KIAA1217: variants seen among roughly 807,000 people sequenced by gnomAD.
KIAA1217 encodes the protein KIAA1217, also known as sickle tail protein homolog.
In KIAA1217, 88 loss-of-function variants were observed where a neutral mutation model predicts 163.9. The observed-to-expected ratio is 0.54, with a 90% CI of 0.45 to 0.64. The LOEUF (loss-of-function observed/expected upper bound fraction) is 0.64. Ranked by LOEUF, KIAA1217 falls within the 30% of genes least tolerant of loss-of-function variation. The probability of loss-of-function intolerance (pLI) is 0.00; values close to 1 mark genes in which losing one functional copy is unlikely to be tolerated. For missense variants in KIAA1217, 2,372 were observed against 2,475.0 expected (o/e 0.96, Z 0.88); for synonymous variants, 903 against 923.1 (o/e 0.98, Z 0.39).
upstream of KIAA1217, among the ~76,000 whole-genome samples, chr10:24,207,719 T>C (rs1178230615): frequency 6.6e-6 from 1 of 152,240 alleles, no homozygotes; most frequent in Non-Finnish European, 1.5e-5. Flanking sequence ...GGGGCTCTCT[T>C]CTTCCCCTCC....
At chr10:23,953,766 GATA>G (rs1844441602) in intron 1 of KIAA1217, among the ~76,000 whole-genome samples, 1 of 152,176 alleles carries the variant, frequency 6.6e-6, no homozygotes. Context: ...ATTAATGTTA[GATA>G]ATATTATTGT....
At chr10:24,477,754 T>C (rs778797887) in intron 6 of KIAA1217, among the ~76,000 whole-genome samples, 1 of 152,216 alleles carries the variant, frequency 6.6e-6, no homozygotes, top group Non-Finnish European at 1.5e-5. Flanking sequence ...TTGGTAGACT[T>C]CATTTTTTTA....
chr10:24,342,741 C>G (rs978270592), intron 2 of KIAA1217, among the ~76,000 whole-genome samples: 15 of 150,100 alleles, frequency 1.0e-4, no homozygotes, highest in Admixed American at 6.7e-4. Flanking sequence ...TCACTGCAAC[C>G]TCCGCCTCCC....
intron 1 of KIAA1217, among the ~76,000 whole-genome samples, chr10:23,834,516 G>A (rs141130779): frequency 7.2e-5 from 11 of 152,056 alleles, no homozygotes; most frequent in East Asian, 1.9e-4. Flanking sequence ...AGAGAGAGAC[G>A]ATAAAAAATA....
chr10:23,696,972 T>C (rs1051319783), intron 1 of KIAA1217, among the ~76,000 whole-genome samples: 1 of 152,124 alleles, frequency 6.6e-6, no homozygotes, highest in Non-Finnish European at 1.5e-5. Flanking sequence ...ATAAAGGGAA[T>C]TGGAGAAGGC....
intron 2 of KIAA1217, among the ~76,000 whole-genome samples, chr10:24,292,221 G>A (rs1216946408): frequency 2.0e-5 from 3 of 152,172 alleles, no homozygotes; most frequent in African/African-American, 7.2e-5. Context: ...TTGCAGTTGA[G>A]GTTAAGTGGT....
intron 2 of KIAA1217, among the ~76,000 whole-genome samples, chr10:24,332,359 A>G (rs1297607714): frequency 6.6e-6 from 1 of 152,218 alleles, no homozygotes; most frequent in African/African-American, 2.4e-5. Context: ...AAGGTGCGAG[A>G]TGTCATTTGT....
upstream of KIAA1217, among the ~76,000 whole-genome samples, chr10:24,207,282 T>TCTCTCTCTCACA (rs529791287): frequency 5.0e-5 from 7 of 140,234 alleles, no homozygotes; most frequent in African/African-American, 2.0e-4. Context: ...TCTCTCTCTC[T>TCTCTCTCTCACA]CACACACACA....
At chr10:24,081,944 G>A (rs2061551436) in intron 2 of KIAA1217, among the ~76,000 whole-genome samples, 1 of 152,188 alleles carries the variant, frequency 6.6e-6, no homozygotes, top group Non-Finnish European at 1.5e-5. Context: ...GGCCCCAGAA[G>A]TGCTTCTTTG....
chr10:23,963,208 T>C (rs116544858), intron 1 of KIAA1217, among the ~76,000 whole-genome samples: 2,463 of 152,306 alleles, frequency 0.016, 66 homozygotes, highest in African/African-American at 0.056. Context: ...GATGGTTTCC[T>C]GCACCCATCA....
At chr10:24,120,088 G>A (rs2063221570) in intron 2 of KIAA1217, among the ~76,000 whole-genome samples, 1 of 152,124 alleles carries the variant, frequency 6.6e-6, no homozygotes, top group African/African-American at 2.4e-5. Flanking sequence ...ATAGCCAAGT[G>A]CTCCCAGAAC....
chr10:24,281,559 C>G (rs1367216563), intron 2 of KIAA1217, among the ~76,000 whole-genome samples: 2 of 152,156 alleles, frequency 1.3e-5, no homozygotes, highest in African/African-American at 4.8e-5. Flanking sequence ...GTTCCTTAGG[C>G]TCTTGGCTAT....
chr10:23,720,556 G>A (rs960489711), intron 1 of KIAA1217, among the ~76,000 whole-genome samples: 89 of 152,034 alleles, frequency 5.9e-4, no homozygotes, highest in Admixed American at 5.0e-3. Flanking sequence ...CATAAGAGGC[G>A]GGATATGAAG....
intron 1 of KIAA1217, among the ~76,000 whole-genome samples, chr10:23,919,214 G>A (rs970667833): frequency 2.0e-5 from 3 of 151,946 alleles, no homozygotes; most frequent in Admixed American, 1.3e-4. Flanking sequence ...AGTGTTAGGT[G>A]TGCATGTTTG....
At position 23,788,609 on chromosome 10, in the gene KIAA1217, G is replaced by A. The variant is rs1450239414; in HGVS notation, c.-321+93375G>A. 2.0e-5 allele frequency among the ~76,000 whole-genome samples: 3 copies of A among 152,182 alleles called. 1 individual carries two copies. In the East Asian group the frequency reaches 5.8e-4, roughly 29 times the overall value. ...GTTTTAATTAATTAATGGAAGGTCA[G>A]ATGGCAAATGATTTGCTTTCTGATG... On this transcript the variant is annotated intron_variant, in intron 1 of 18. Coordinates refer to the KIAA1217 transcript ENST00000376462.
chr10:23,905,063 CTTTTTTT>C (rs562938938), intron 1 of KIAA1217, among the ~76,000 whole-genome samples: 25 of 99,948 alleles, frequency 2.5e-4, no homozygotes, highest in Admixed American at 1.4e-3. Flanking sequence ...TTCTCTTTTC[CTTTTTTT>C]TTTTTTTTTT....
Position 23,948,697 on chromosome 10 carries a change from T to A in KIAA1217, c.-320-58528T>A, listed in dbSNP as rs566237218. ...GGTTTTGGTTTTTGCTTTGTTTCTG[T>A]TGTTTACAAATGTATCCCACATACC... On this transcript the variant is annotated intron_variant, in intron 1 of 18. Transcript: ENST00000376462. 2.6e-5 allele frequency among the ~76,000 whole-genome samples: 4 copies of A among 152,322 alleles called. No homozygotes were observed. In the South Asian group the frequency reaches 8.3e-4, roughly 32 times the overall value.
intron 1 of KIAA1217, among the ~76,000 whole-genome samples, chr10:23,986,935 C>A (rs1345972164): frequency 6.6e-6 from 1 of 152,014 alleles, no homozygotes; most frequent in East Asian, 1.9e-4. Flanking sequence ...AGTCTTGGGA[C>A]CCTGAGTGCC....
chr10:23,874,712 T>C (rs1390822803), intron 1 of KIAA1217, among the ~76,000 whole-genome samples: 1 of 152,002 alleles, frequency 6.6e-6, no homozygotes, highest in Non-Finnish European at 1.5e-5. Context: ...TTTTTGATTC[T>C]AATGTTCAGC....
Sources: gnomAD v4.1 joint callset for allele counts (sites outside exome capture counted in the v4.1 genomes callset) on GRCh38, gnomAD v4.1.1 for gene constraint, MANE v1.5 for transcripts, NCBI Gene and HGNC (gene_info 2026-07-23, HGNC 2026-07-21) for gene names.